Variants in DISP1 observed in about 807,000 individuals in gnomAD.
DISP1 encodes the protein dispatched RND transporter family member 1.
DISP1 carries 30 observed loss-of-function variants against 37.3 expected under a neutral mutation model. That is an observed-to-expected ratio of 0.80 (90% CI 0.60 to 1.09). The LOEUF (loss-of-function observed/expected upper bound fraction) is 1.09. Ranked by LOEUF, DISP1 falls within the 50% of genes least tolerant of loss-of-function variation. The pLI is 0.00. For synonymous variants in DISP1, 634 were observed against 690.2 expected (o/e 0.92, Z 1.28); for missense variants, 1,598 against 1,879.5 (o/e 0.85, Z 2.77).
intron 1 of DISP1, among the ~76,000 whole-genome samples, chr1:222,913,008 A>G (rs557815488): frequency 1.3e-5 from 2 of 152,360 alleles, no homozygotes; most frequent in East Asian, 3.9e-4. Context: ...CTAGATATTT[A>G]TAGCAGAAAT....
At chr1:222,909,217 A>G (rs938447543) in intron 1 of DISP1, among the ~76,000 whole-genome samples, 8 of 152,294 alleles carry the variant, frequency 5.3e-5, no homozygotes, top group Admixed American at 1.3e-4. Context: ...CTATAATTCA[A>G]TAATGTATGT....
chr1:222,954,952 G>A (rs540927527), intron 3 of DISP1, among the ~76,000 whole-genome samples: 1 of 152,282 alleles, frequency 6.6e-6, no homozygotes, highest in South Asian at 2.1e-4. Context: ...GTGGTGGTGG[G>A]GTGGGGTGTG....
chr1:222,951,331 A>G (rs960458714), intron 3 of DISP1, among the ~76,000 whole-genome samples: 3 of 150,224 alleles, frequency 2.0e-5, no homozygotes, highest in African/African-American at 4.9e-5. Context: ...CCCTTAGGGC[A>G]TTAGTTATTT....
At chr1:222,826,711 G>T (rs1222574221) in intron 1 of DISP1, among the ~76,000 whole-genome samples, 1 of 152,040 alleles carries the variant, frequency 6.6e-6, no homozygotes, top group African/African-American at 2.4e-5. Context: ...ATTTTTTAAT[G>T]ATTTGTGGTT....
chr1:222,980,221 G>A (rs1677731568), intron 3 of DISP1, among the ~76,000 whole-genome samples: 1 of 152,172 alleles, frequency 6.6e-6, no homozygotes, highest in South Asian at 2.1e-4. Flanking sequence ...TTTAAGGAAT[G>A]TATGTAGAAC....
chr1:222,951,078 G>A (rs1675184556), intron 3 of DISP1, among the ~76,000 whole-genome samples: 1 of 152,108 alleles, frequency 6.6e-6, no homozygotes, highest in South Asian at 2.1e-4. Flanking sequence ...TAGACAGATG[G>A]CCATTTTGAA....
intron 1 of DISP1, among the ~76,000 whole-genome samples, chr1:222,905,931 T>C (rs1447243008): frequency 6.6e-6 from 1 of 152,234 alleles, no homozygotes; most frequent in Non-Finnish European, 1.5e-5. Context: ...ATTGCTATAG[T>C]GCAATCTGTA....
At chr1:222,962,927 A>G (rs1290862239) in intron 3 of DISP1, among the ~76,000 whole-genome samples, 1 of 152,234 alleles carries the variant, frequency 6.6e-6, no homozygotes, top group Non-Finnish European at 1.5e-5. Flanking sequence ...AAATTGACAA[A>G]TGGGATCTAA....
At chr1:222,882,668 G>A (rs893608551) in intron 1 of DISP1, among the ~76,000 whole-genome samples, 3 of 151,652 alleles carry the variant, frequency 2.0e-5, no homozygotes, top group Non-Finnish European at 4.4e-5. Flanking sequence ...TTACTTTTAG[G>A]TCATTTCCCA....
intron 1 of DISP1, among the ~76,000 whole-genome samples, chr1:222,870,950 C>T (rs1402629099): frequency 6.6e-6 from 1 of 152,100 alleles, no homozygotes; most frequent in African/African-American, 2.4e-5. Context: ...TTTAATGCAT[C>T]TTGAATTAAT....
chr1:222,963,883 A>T (rs1484036456), intron 3 of DISP1, among the ~76,000 whole-genome samples: 1 of 152,176 alleles, frequency 6.6e-6, no homozygotes, highest in East Asian at 1.9e-4. Flanking sequence ...CCCGGAACTT[A>T]AAGTAAATTT....
At chr1:222,989,247 A>C (rs995470074) in intron 4 of DISP1, 2 of 387,000 alleles carry the variant, frequency 5.2e-6, no homozygotes, top group Non-Finnish European at 7.1e-6. Context: ...TCCTATTTCA[A>C]ATGAGCCAGA....
intron 1 of DISP1, chr1:222,837,095 G>A (rs1572293025): frequency 2.5e-6 from 1 of 398,438 alleles, no homozygotes; most frequent in African/African-American, 2.1e-5. Flanking sequence ...GGCCCAGTAA[G>A]TTTGGGCCGT....
intron 3 of DISP1, among the ~76,000 whole-genome samples, chr1:222,950,818 A>G (rs1206408465): frequency 6.6e-6 from 1 of 152,238 alleles, no homozygotes; most frequent in Non-Finnish European, 1.5e-5. Context: ...TTATTGCCGT[A>G]TTAAAGTGAA....
chr1:222,911,353 CTT>C (rs1672200222), intron 1 of DISP1, among the ~76,000 whole-genome samples: 2 of 152,262 alleles, frequency 1.3e-5, no homozygotes, highest in Non-Finnish European at 2.9e-5. Flanking sequence ...CAAAGGGTAT[CTT>C]TGCACCAAAG....
intron 2 of DISP1, among the ~76,000 whole-genome samples, chr1:222,931,159 T>C (rs1352930926): frequency 1.3e-5 from 2 of 152,032 alleles, no homozygotes; most frequent in Non-Finnish European, 2.9e-5. Flanking sequence ...CAAACAACTT[T>C]TAAGTGCTTT....
At chr1:222,989,278 A>G in intron 4 of DISP1, 3 of 726,798 alleles carry the variant, frequency 4.1e-6, no homozygotes, top group Non-Finnish European at 5.1e-6. Flanking sequence ...GCAGCAGCCA[A>G]ATGAGCTAAC....
chr1:222,992,022 T>A lies in DISP1; in HGVS notation c.801T>A (p.Asp267Glu). ...TGTCGTTCCATTTCAGCCATCGGGA[T>A]GATAGATGGTCAGATGATCATTATG... ...YADEQAKSHR[D>E]DRWSDDHYER... Residue 267 changes from aspartate (D) to glutamate (E), a missense_variant, in exon 7 of 9, where the codon GAT becomes GAA. Transcript: ENST00000675850. 1 of 1,613,054 alleles carries A rather than the reference T, an allele frequency of 6.2e-7. No homozygotes were observed. Among genetic ancestry groups the A allele is most frequent in the Non-Finnish European group, 8.5e-7 (1 of 1,179,054 alleles).
intron 1 of DISP1, among the ~76,000 whole-genome samples, chr1:222,853,731 G>A (rs1228174968): frequency 1.3e-5 from 2 of 152,136 alleles, no homozygotes; most frequent in East Asian, 3.9e-4. Flanking sequence ...GAATACCAGA[G>A]GGTGGGAAGG....
Sources: allele counts gnomAD v4.1 joint callset (sites outside exome capture counted in the v4.1 genomes callset), GRCh38; gene constraint gnomAD v4.1.1; transcripts MANE v1.5; gene names NCBI Gene and HGNC (gene_info 2026-07-23, HGNC 2026-07-21).